The following ZNF503 variants were observed in gnomAD, a reference collection of about 807,000 sequenced individuals.
ZNF503 encodes NocA-like zinc finger 2.
Under a neutral mutation model 34.4 loss-of-function variants are expected in ZNF503, and 15 were observed. The observed-to-expected ratio is 0.44, with a 90% confidence interval of 0.29 to 0.67. The LOEUF is 0.67. ZNF503 is among the 30% of genes least tolerant of loss of function. ZNF503 has a pLI of 0.13. For synonymous variants in ZNF503, 580 were observed against 456.8 expected (o/e 1.27, Z -3.44); for missense variants, 1,007 against 926.8 (o/e 1.09, Z -1.12).
the ZNF503 span, among the ~76,000 whole-genome samples, chr10:75,284,291 G>A: frequency 2.0e-5 from 3 of 151,912 alleles, no homozygotes; most frequent in Non-Finnish European, 1.5e-5. Context: ...TTTATTCCAC[G>A]GAGCCATCTT....
the ZNF503 span, among the ~76,000 whole-genome samples, chr10:75,379,798 A>G: frequency 6.6e-6 from 1 of 152,372 alleles, no homozygotes; most frequent in East Asian, 1.9e-4. Flanking sequence ...ATATGCAGAA[A>G]AGTGACACTC....
chr10:75,303,123 C>T, the ZNF503 span, among the ~76,000 whole-genome samples: 1 of 152,156 alleles, frequency 6.6e-6, no homozygotes, highest in Non-Finnish European at 1.5e-5. Flanking sequence ...TACTAAACAC[C>T]TCTGTCCTCC....
At chr10:75,297,632 C>T in the ZNF503 span, among the ~76,000 whole-genome samples, 1 of 152,236 alleles carries the variant, frequency 6.6e-6, no homozygotes, top group East Asian at 1.9e-4. Flanking sequence ...GACCCAAGAG[C>T]AGCTGCACAG....
the ZNF503 span, among the ~76,000 whole-genome samples, chr10:75,320,074 CATTTCA>C: frequency 6.6e-6 from 1 of 152,144 alleles, no homozygotes; most frequent in Non-Finnish European, 1.5e-5. Context: ...TTTTTCAGTT[CATTTCA>C]TGAGGCTGGT....
chr10:75,376,357 C>T, the ZNF503 span, among the ~76,000 whole-genome samples: 2 of 152,064 alleles, frequency 1.3e-5, no homozygotes. Context: ...TGAAGAAATA[C>T]CTGAGACTGG....
At position 75,398,558 on chromosome 10, in the gene ZNF503, A is replaced by G. The variant is rs1042689967; in HGVS notation, c.*191T>C. The stretch of plus-strand genomic sequence containing the variant: ...TTTGGGTGGGGAGGTGAAAGTGGGG[A>G]GAAGGGGAGTGTCCCACCGGGTCTC... On this transcript the variant is annotated 3_prime_UTR_variant, in exon 2 of 2. Transcript: ENST00000372524. 7.1e-6 allele frequency: 3 copies of G among 423,486 alleles called. No homozygotes were observed. Among genetic ancestry groups the G allele is most frequent in the Non-Finnish European group, 8.0e-6 (2 of 250,144 alleles). 26.2% of individuals were successfully genotyped at this position (423,486 alleles called of 1,614,324 possible).
At chr10:75,379,657 G>T in the ZNF503 span, among the ~76,000 whole-genome samples, 1 of 152,238 alleles carries the variant, frequency 6.6e-6, no homozygotes, top group Admixed American at 6.5e-5. Flanking sequence ...TGGAATGAGA[G>T]GGGGAAGGAA....
the ZNF503 span, among the ~76,000 whole-genome samples, chr10:75,307,845 G>A: frequency 3.0e-4 from 46 of 152,300 alleles, no homozygotes; most frequent in South Asian, 6.2e-3. Flanking sequence ...TTGGGAGGCC[G>A]AGGCGGGAGG....
In ZNF503 at chr10:75,398,789, C is replaced by A; in HGVS notation, c.1901G>T (p.Gly634Val). ...GPYYSPYALYGQRLTTASALG... is the reference protein window; with the variant it reads ...GPYYSPYALYVQRLTTASALG... ...CGCCGAGGCGGTGGTCAGTCTCTGT[C>A]CGTAGAGGGCGTAGGGGGAGTAGTA... Residue 634 changes from glycine (G) to valine (V), a missense_variant, in exon 2 of 2, where the codon GGA (glycine) becomes GTA (valine). Physicochemically the swap from Gly to Val is moderately radical, Grantham distance 109. Coordinates refer to ENST00000372524, the MANE Select transcript of ZNF503 (RefSeq NM_032772.6). 1 of 1,463,334 alleles carries A rather than the reference C, an allele frequency of 6.8e-7. No individual in the cohort carries two copies. The highest frequency in any genetic ancestry group is 9.0e-7 in the Non-Finnish European group (1 of 1,112,922). 90.6% of individuals were successfully genotyped at this position (1,463,334 alleles called of 1,614,324 possible). A position where few individuals can be genotyped will look rare whatever the true frequency, so the allele number is the denominator to read the frequency against.
chr10:75,306,885 G>A, the ZNF503 span, among the ~76,000 whole-genome samples: 1 of 152,132 alleles, frequency 6.6e-6, no homozygotes, highest in Admixed American at 6.5e-5. Flanking sequence ...TGAATGTTGT[G>A]TGCATTCTGA....
the ZNF503 span, among the ~76,000 whole-genome samples, chr10:75,320,183 A>G: frequency 1.3e-5 from 2 of 152,226 alleles, no homozygotes; most frequent in Non-Finnish European, 2.9e-5. Context: ...ATAAACTTTT[A>G]AAAATTAGCA....
chr10:75,337,157 C>G, the ZNF503 span, among the ~76,000 whole-genome samples: 2 of 152,034 alleles, frequency 1.3e-5, no homozygotes, highest in South Asian at 4.2e-4. Flanking sequence ...AACCCCATCT[C>G]TACAAAAAAC....
the ZNF503 span, among the ~76,000 whole-genome samples, chr10:75,340,748 G>A: frequency 1.3e-5 from 2 of 152,118 alleles, no homozygotes; most frequent in African/African-American, 2.4e-5. Context: ...ACAGGCATGC[G>A]CCACCACGCT....
the ZNF503 span, among the ~76,000 whole-genome samples, chr10:75,329,459 CTCT>C: frequency 3.7e-5 from 2 of 54,778 alleles, no homozygotes; most frequent in Non-Finnish European, 1.1e-4. Context: ...TTCTTTCTTT[CTCT>C]TTCTTTCTTT....
At chr10:75,317,264 CTTTTTTTTTTTTT>C in the ZNF503 span, among the ~76,000 whole-genome samples, 15 of 74,764 alleles carry the variant, frequency 2.0e-4, no homozygotes, top group African/African-American at 2.2e-4. Context: ...CATCCCACGT[CTTTTTTTTTTTTT>C]TTTTTTTTTT....
the ZNF503 span, among the ~76,000 whole-genome samples, chr10:75,326,926 C>G: frequency 6.6e-6 from 1 of 152,032 alleles, no homozygotes; most frequent in Non-Finnish European, 1.5e-5. Context: ...CTCAGGTGAT[C>G]CTCCCACCTC....
the ZNF503 span, among the ~76,000 whole-genome samples, chr10:75,381,148 A>G: frequency 6.6e-6 from 1 of 152,194 alleles, no homozygotes; most frequent in Non-Finnish European, 1.5e-5. Context: ...TTGTGACCGA[A>G]TTCTGGCCAA....
the ZNF503 span, among the ~76,000 whole-genome samples, chr10:75,373,905 G>A: frequency 1.3e-5 from 2 of 152,126 alleles, no homozygotes; most frequent in African/African-American, 4.8e-5. Flanking sequence ...ATCATTCCAG[G>A]ACAGGTGTGG....
chr10:75,288,119 C>T, the ZNF503 span, among the ~76,000 whole-genome samples: 6 of 152,252 alleles, frequency 3.9e-5, no homozygotes, highest in African/African-American at 1.4e-4. Flanking sequence ...ACAGATGATC[C>T]TGCCCTGTCG....
Sources: allele counts gnomAD v4.1 joint callset (sites outside exome capture counted in the v4.1 genomes callset), GRCh38; gene constraint gnomAD v4.1.1; transcripts MANE v1.5; gene names NCBI Gene and HGNC (gene_info 2026-07-23, HGNC 2026-07-21).